Variants in ZBTB1 observed in about 807,000 individuals in gnomAD.
ZBTB1 encodes zinc finger and BTB domain-containing protein 1.
Under a neutral mutation model 51.6 loss-of-function variants are expected in ZBTB1, and 13 were observed. The observed-to-expected ratio is 0.25, with a 90% CI of 0.16 to 0.40. ZBTB1 has a LOEUF of 0.40. Ranked by LOEUF, ZBTB1 falls within the 10% of genes least tolerant of loss-of-function variation. The pLI, the probability that ZBTB1 is intolerant of heterozygous loss-of-function variation, is 1.00. For missense variants in ZBTB1, 567 were observed against 856.5 expected (o/e 0.66, Z 4.22); for synonymous variants, 240 against 282.2 (o/e 0.85, Z 1.50).
rs148189723 is a variant in ZBTB1 at position 64,523,186 on chromosome 14, T to C, written c.1682T>C (p.Met561Thr). The C allele has an allele frequency of 5.6e-6, 9 of 1,614,164 alleles. No individual in the cohort carries two copies. The highest frequency in any genetic ancestry group is 2.2e-5 in the East Asian group (1 of 44,884). ...ATGTCTAGCTGCTTAGATCAAGATA[T>C]GTTTAAGAGTGCCATCATGGAAGAA... ...EHMSSCLDQD[M>T]FKSAIMEENE... is the part of the protein sequence containing the mutation. The change falls in exon 2 of 2, where the codon ATG (methionine) becomes ACG (threonine). Residue 561 changes from methionine to threonine, a missense_variant. Physicochemically the swap from Met to Thr is moderately conservative, Grantham distance 81. This residue lies in a region of ZBTB1 where 329 missense variants were observed against 406.3 expected (regional missense o/e 0.81). Coordinates refer to ENST00000683701, the MANE Select transcript of ZBTB1 (RefSeq NM_001123329.2). The surrounding 1 kb of genome is among the most constrained non-coding windows in gnomAD (Gnocchi z 4.5).
At position 64,512,554 on chromosome 14, in the gene ZBTB1, T is replaced by C. The variant is rs115605342; in HGVS notation, c.-19+7608T>C. On this transcript the variant is annotated intron_variant, in intron 1 of 1. Coordinates refer to ENST00000683701, the MANE Select transcript of ZBTB1 (RefSeq NM_001123329.2). ...GGGTATAAAACTAAGCCACCATTTA[T>C]ATTATTGTTTCTATGGGAATATGTG... Among the ~76,000 whole-genome samples the C allele has an allele frequency of 4.2e-3, 640 of 152,342 alleles. 4 individuals are homozygous for C. Among genetic ancestry groups the C allele is most frequent in the African/African-American group, 0.015 (605 of 41,570 alleles).
At chr14:64,504,514 A>AGCCGCC (rs1012025922), upstream of ZBTB1, 2 of 167,428 alleles carry the variant, frequency 1.2e-5, no homozygotes, top group Non-Finnish European at 2.6e-5. Flanking sequence ...GGGGTGGTCA[A>AGCCGCC]GCCGCCGCCG....
At chr14:64,520,401 A>G (rs1181183267) in intron 1 of ZBTB1, among the ~76,000 whole-genome samples, 1 of 151,978 alleles carries the variant, frequency 6.6e-6, no homozygotes, top group Non-Finnish European at 1.5e-5. Flanking sequence ...CACAACCTCA[A>G]AATCCTGGGC....
intron 1 of ZBTB1, among the ~76,000 whole-genome samples, chr14:64,511,967 A>G (rs1286570073): frequency 6.6e-6 from 1 of 152,228 alleles, no homozygotes; most frequent in Non-Finnish European, 1.5e-5. Flanking sequence ...TTATCCTGAC[A>G]GCCACTAAAA....
intron 2 of ZBTB1, among the ~76,000 whole-genome samples, chr14:64,531,477 T>C (rs1326478123): frequency 6.6e-6 from 1 of 152,180 alleles, no homozygotes; most frequent in Non-Finnish European, 1.5e-5. Context: ...GTTAGATTTA[T>C]GTTTCAATCA....
chr14:64,523,981 T>G lies in ZBTB1; in HGVS notation c.*335T>G. 1 of 1,013,170 alleles carries G rather than the reference T, an allele frequency of 9.9e-7. No homozygotes were observed. Among genetic ancestry groups the G allele is most frequent in the Non-Finnish European group, 1.2e-6 (1 of 838,658 alleles). The allele number at this position is 1,013,170 out of a possible 1,614,324, so 62.8% of individuals were successfully genotyped here. Reference sequence around the variant, plus strand: ...AGGTGATGACTTCACTATTTCTATGTGTTTTTTTTTTTTTAAGGTTATCCT... The same window carrying G: ...AGGTGATGACTTCACTATTTCTATGGGTTTTTTTTTTTTTAAGGTTATCCT... On this transcript the variant is annotated 3_prime_UTR_variant, in exon 2 of 2. Transcript: ENST00000683701. The surrounding 1 kb of genome is among the most constrained non-coding windows in gnomAD (Gnocchi z 4.5).
At chr14:64,510,605 G>A (rs1043360852) in intron 1 of ZBTB1, among the ~76,000 whole-genome samples, 2 of 152,160 alleles carry the variant, frequency 1.3e-5, no homozygotes, top group African/African-American at 4.8e-5. Flanking sequence ...TATACTGGAT[G>A]TGTGTGGAGG....
intron 1 of ZBTB1, among the ~76,000 whole-genome samples, chr14:64,520,573 C>T (rs2079850095): frequency 6.6e-6 from 1 of 152,084 alleles, no homozygotes; most frequent in Non-Finnish European, 1.5e-5. Flanking sequence ...ATTTTAACAA[C>T]ACATGGCCAA....
In ZBTB1 at chr14:64,504,829, A is replaced by C. The variant is rs957272175; in HGVS notation, c.-136A>C. The C allele has an allele frequency of 5.1e-6, 2 of 391,404 alleles. No homozygotes were observed. Among genetic ancestry groups the C allele is most frequent in the Admixed American group, 4.5e-5 (1 of 22,390 alleles). 24.2% of individuals were successfully genotyped at this position (391,404 alleles called of 1,614,324 possible). ...TCCGCGCAGCCCAGCCCGAGCGCCG[A>C]GCGCCGCGCGCCGCCGCCACTGCAG... On this transcript the variant is annotated 5_prime_UTR_variant, in exon 1 of 2. Transcript: ENST00000683701.
chr14:64,510,829 T>C (rs577101574), intron 1 of ZBTB1, among the ~76,000 whole-genome samples: 1 of 152,278 alleles, frequency 6.6e-6, no homozygotes, highest in South Asian at 2.1e-4. Flanking sequence ...AAAACAGCAT[T>C]GCTCTGGGAA....
intron 1 of ZBTB1, among the ~76,000 whole-genome samples, chr14:64,509,980 T>TA (rs368681831): frequency 0.26 from 34,004 of 133,152 alleles, 4,368 homozygotes; most frequent in Non-Finnish European, 0.32. Flanking sequence ...CCGTCTCAAT[T>TA]AAAAAAAAAA....
At chr14:64,525,765 A>C (rs2079899310), downstream of ZBTB1, among the ~76,000 whole-genome samples, 1 of 152,206 alleles carries the variant, frequency 6.6e-6, no homozygotes, top group Admixed American at 6.5e-5. Flanking sequence ...CTAATTTTAC[A>C]TGACTGAGAT....
At chr14:64,517,625 C>T (rs1414903258) in intron 1 of ZBTB1, among the ~76,000 whole-genome samples, 1 of 150,876 alleles carries the variant, frequency 6.6e-6, no homozygotes, top group East Asian at 1.9e-4. Flanking sequence ...CATCTTTTTT[C>T]CCCCCACCTT....
downstream of ZBTB1, chr14:64,525,014 A>C (rs529360400): frequency 3.4e-4 from 279 of 822,208 alleles, 2 homozygotes; most frequent in African/African-American, 4.9e-3. Context: ...GATTTTAATT[A>C]ACTCCTAATT....
rs1211693071 is a variant in ZBTB1 at position 64,522,084 on chromosome 14, A to G, written c.580A>G (p.Lys194Glu). Reference protein sequence around the residue: ...NFPEPLFDVCKKSSVSKLSTP... With the variant: ...NFPEPLFDVCEKSSVSKLSTP... Reference sequence around the variant, plus strand: ...TCCTGAGCCACTATTTGATGTATGTAAAAAAAGTTCCGTGTCCAAATTATC... The same window carrying G: ...TCCTGAGCCACTATTTGATGTATGTGAAAAAAGTTCCGTGTCCAAATTATC... Residue 194 changes from lysine to glutamate, a missense_variant, in exon 2 of 2, where the codon AAA becomes GAA. Around this residue, in one of 5 missense-constraint regions of ZBTB1, gnomAD observed 26 missense variants for 67.0 expected, o/e 0.39. Coordinates refer to ENST00000683701, the MANE Select transcript of ZBTB1 (RefSeq NM_001123329.2). The G allele has an allele frequency of 2.5e-6, 4 of 1,614,062 alleles. No homozygotes were observed. The highest frequency in any genetic ancestry group is 2.5e-6 in the Non-Finnish European group (3 of 1,180,034).
At chr14:64,530,693 T>G (rs1159596886) in intron 2 of ZBTB1, among the ~76,000 whole-genome samples, 1 of 152,354 alleles carries the variant, frequency 6.6e-6, no homozygotes, top group East Asian at 1.9e-4. Flanking sequence ...TTAAGAAGTT[T>G]AAATCTTACT....
At chr14:64,530,820 A>ATT (rs2079937072) in intron 2 of ZBTB1, among the ~76,000 whole-genome samples, 8 of 152,268 alleles carry the variant, frequency 5.3e-5, no homozygotes, top group Admixed American at 5.2e-4. Context: ...AAGCCATTAT[A>ATT]ATTTCTCATT....
At chr14:64,517,582 C>T (rs994588133) in intron 1 of ZBTB1, among the ~76,000 whole-genome samples, 3 of 151,548 alleles carry the variant, frequency 2.0e-5, no homozygotes, top group Admixed American at 6.6e-5. Flanking sequence ...CTACTTAAAA[C>T]GGGCTTGGGT....
intron 1 of ZBTB1, among the ~76,000 whole-genome samples, chr14:64,516,442 A>C (rs1209658418): frequency 6.6e-6 from 1 of 152,196 alleles, no homozygotes; most frequent in Non-Finnish European, 1.5e-5. Context: ...CAGCCTAAAA[A>C]CTGTTGTGTT....
Sources: gnomAD v4.1 joint callset for allele counts (sites outside exome capture counted in the v4.1 genomes callset) on GRCh38, gnomAD v4.1.1 for gene constraint, gnomAD v4.1.1 regional missense constraint, Gnocchi (gnomAD v3.1) non-coding constraint, MANE v1.5 for transcripts, NCBI Gene and HGNC (gene_info 2026-07-23, HGNC 2026-07-21) for gene names.